The following SPATA6L variants were observed in gnomAD, a reference collection of about 807,000 sequenced individuals.
SPATA6L encodes spermatogenesis associated 6-like protein.
SPATA6L carries 68 observed loss-of-function variants against 49.2 expected under a neutral mutation model. That is an observed-to-expected ratio of 1.38 (90% CI 1.14 to 1.69). The LOEUF (loss-of-function observed/expected upper bound fraction) is 1.69, where lower values mean the gene tolerates loss of function less well. Ranked by LOEUF, SPATA6L falls within the 40% of genes most tolerant of loss-of-function variation. SPATA6L has a pLI of 0.00. For missense variants in SPATA6L, 668 were observed against 464.3 expected (o/e 1.44, Z -4.03); for synonymous variants, 198 against 165.7 (o/e 1.19, Z -1.50).
In SPATA6L at chr9:4,604,190, C is replaced by A. The variant is rs372258976; in HGVS notation, c.1169G>T (p.Arg390Ile). 1 of 1,608,488 alleles carries A rather than the reference C, an allele frequency of 6.2e-7. No individual in the cohort carries two copies. The highest frequency in any genetic ancestry group is 8.5e-7 in the Non-Finnish European group (1 of 1,176,484). ...PLKKYSLHEQRYF is the reference protein window; with the variant it reads ...PLKKYSLHEQIYF The stretch of plus-strand genomic sequence containing the variant: ...ACATAAGACAGTACCTTAAAAATAT[C>A]TCTGTTCATGCAGTGAGTATTTCTT... Residue 390 changes from arginine (R) to isoleucine (I), a missense_variant, in exon 11 of 12, where the codon AGA becomes ATA. Transcript: ENST00000682582.
rs1554615841 is a variant in SPATA6L, at chr9:4,661,765, C to CTTCAAGGCCGACTGCGGTTTTGCTTCA, written c.177+133_177+134insTGAAGCAAAACCGCAGTCGGCCTTGAA. 19 of 1,219,110 alleles carry CTTCAAGGCCGACTGCGGTTTTGCTTCA rather than the reference C, an allele frequency of 1.6e-5. No homozygotes were observed. In the African/African-American group the frequency reaches 2.5e-4, roughly 16 times the overall value. The allele number at this position is 1,219,110 out of a possible 1,614,324, so 75.5% of individuals were successfully genotyped here. On this transcript the variant is annotated intron_variant, in intron 2 of 11. Coordinates refer to ENST00000682582, the MANE Select transcript of SPATA6L (RefSeq NM_001353486.2). Reference sequence around the variant, plus strand: ...AGCAAGTGTTCCGACTGCGGTTTTGCATTGTGCTGAAGTGCTTTCGGATAA... The same window carrying CTTCAAGGCCGACTGCGGTTTTGCTTCA: ...AGCAAGTGTTCCGACTGCGGTTTTGCTTCAAGGCCGACTGCGGTTTTGCTTCAATTGTGCTGAAGTGCTTTCGGATAA...
chr9:4,618,035 T>A lies in SPATA6L; in HGVS notation c.883A>T (p.Lys295Ter). The stretch of plus-strand genomic sequence containing the variant: ...TCCCCTTGTTTACTGGATGAAGACT[T>A]TCCAAACTGACTTGAATCTAAACAT... ...SSCLDSSQFG[K>*]SSSSKQGDAD... The change falls in exon 9 of 12, where the codon AAG becomes TAG. Residue 295 changes from lysine to a stop codon, truncating the protein, a stop_gained. Transcript: ENST00000682582. LOFTEE classifies it high-confidence loss of function. The A allele has an allele frequency of 1.1e-5, 17 of 1,614,114 alleles. No homozygotes were observed. The highest frequency in any genetic ancestry group is 1.4e-5 in the Non-Finnish European group (17 of 1,180,002).
intron 3 of SPATA6L, among the ~76,000 whole-genome samples, chr9:4,637,851 C>T (rs1833114662): frequency 6.6e-6 from 1 of 152,178 alleles, no homozygotes; most frequent in Admixed American, 6.5e-5. Flanking sequence ...TAAGCATTAG[C>T]TACCCTCTTG....
chr9:4,602,617 C>T (rs1823627619), intron 11 of SPATA6L, among the ~76,000 whole-genome samples: 1 of 152,194 alleles, frequency 6.6e-6, no homozygotes, highest in African/African-American at 2.4e-5. Context: ...GACATGAGGA[C>T]TATACAGGAC....
At chr9:4,595,873 T>A (rs949315114), downstream of SPATA6L, among the ~76,000 whole-genome samples, 8 of 152,072 alleles carry the variant, frequency 5.3e-5, no homozygotes, top group African/African-American at 1.9e-4. Flanking sequence ...TAAACAGGAG[T>A]CAAAACTGGT....
chr9:4,618,017 G>A lies in SPATA6L; in HGVS notation c.901C>T (p.Gln301Ter). The A allele has an allele frequency of 6.2e-7, 1 of 1,614,066 alleles. No individual in the cohort carries two copies. The highest frequency in any genetic ancestry group is 1.1e-5 in the South Asian group (1 of 91,078). Residue 301 changes from glutamine (Q) to a stop codon, truncating the protein, a stop_gained, in exon 9 of 12, where the codon CAA (glutamine) becomes TAA (stop). Transcript: ENST00000682582. LOFTEE classifies it high-confidence loss of function. ...SQFGKSSSSK[Q>*]GDADFHGKAS... ...TTCCCGTGGAAATCAGCATCCCCTT[G>A]TTTACTGGATGAAGACTTTCCAAAC...
chr9:4,636,653 T>G (rs952525300), intron 3 of SPATA6L, among the ~76,000 whole-genome samples: 4 of 152,244 alleles, frequency 2.6e-5, no homozygotes, highest in Admixed American at 2.6e-4. Context: ...AGGGTTGCTT[T>G]GTTTTCAGTA....
At chr9:4,637,866 C>CT (rs1395763119) in intron 3 of SPATA6L, among the ~76,000 whole-genome samples, 1 of 152,198 alleles carries the variant, frequency 6.6e-6, no homozygotes, top group African/African-American at 2.4e-5. Flanking sequence ...CTCTTGGAGA[C>CT]TCAGTTTCCA....
intron 6 of SPATA6L, among the ~76,000 whole-genome samples, chr9:4,624,082 A>G (rs1829893004): frequency 1.3e-5 from 2 of 152,252 alleles, no homozygotes; most frequent in African/African-American, 4.8e-5. Context: ...TCTCTGCCTA[A>G]TACACAAGCA....
At chr9:4,631,991 C>A (rs528721638) in intron 4 of SPATA6L, among the ~76,000 whole-genome samples, 9 of 151,100 alleles carry the variant, frequency 6.0e-5, no homozygotes, top group African/African-American at 2.2e-4. Context: ...ATGAGCTCAA[C>A]ACAGTGCCTG....
At chr9:4,592,605 G>C (rs1027083004) in intron 13 of SPATA6L, among the ~76,000 whole-genome samples, 32 of 152,324 alleles carry the variant, frequency 2.1e-4, no homozygotes, top group Admixed American at 1.8e-3. Context: ...GAGAGTGCCA[G>C]GAGTGCTAGA....
intron 3 of SPATA6L, among the ~76,000 whole-genome samples, chr9:4,654,955 C>T (rs1002948542): frequency 2.0e-5 from 3 of 152,140 alleles, no homozygotes; most frequent in African/African-American, 7.2e-5. Context: ...CCGAGCACTT[C>T]CCTTCCCTGG....
downstream of SPATA6L, among the ~76,000 whole-genome samples, chr9:4,595,017 T>C (rs542419085): frequency 2.6e-5 from 4 of 152,152 alleles, no homozygotes; most frequent in Non-Finnish European, 4.4e-5. Flanking sequence ...AGGATTTCAT[T>C]TGAGCTCCTA....
chr9:4,641,616 C>A (rs1018364931), intron 3 of SPATA6L, among the ~76,000 whole-genome samples: 1 of 152,118 alleles, frequency 6.6e-6, no homozygotes, highest in Non-Finnish European at 1.5e-5. Flanking sequence ...ACTACATTTT[C>A]GAGTAATGGT....
chr9:4,654,608 T>C (rs1837677190), intron 3 of SPATA6L, among the ~76,000 whole-genome samples: 1 of 152,080 alleles, frequency 6.6e-6, no homozygotes, highest in East Asian at 1.9e-4. Flanking sequence ...AGAATGAGTG[T>C]GAGGTTTTAT....
chr9:4,646,622 T>A, intron 3 of SPATA6L: 2 of 536,380 alleles, frequency 3.7e-6, no homozygotes, highest in South Asian at 4.3e-5. Flanking sequence ...ACCCACTTAA[T>A]AGTAATAATA....
intron 9 of SPATA6L, among the ~76,000 whole-genome samples, chr9:4,609,707 C>T (rs1179933678): frequency 1.3e-5 from 2 of 151,228 alleles, no homozygotes; most frequent in African/African-American, 2.5e-5. Flanking sequence ...TGGGCAAAAA[C>T]TGGAAGCATT....
intron 3 of SPATA6L, chr9:4,646,511 C>T: frequency 6.6e-7 from 1 of 1,513,076 alleles, no homozygotes; most frequent in Non-Finnish European, 8.8e-7. Context: ...TGTATTAATT[C>T]AAACCTGGCT....
At chr9:4,618,543 G>T (rs1828544011) in intron 8 of SPATA6L, among the ~76,000 whole-genome samples, 1 of 152,112 alleles carries the variant, frequency 6.6e-6, no homozygotes, top group African/African-American at 2.4e-5. Context: ...CAAACTTCAA[G>T]AACAAGTGAT....
Sources: gnomAD v4.1 joint callset for allele counts (sites outside exome capture counted in the v4.1 genomes callset) on GRCh38, gnomAD v4.1.1 for gene constraint, MANE v1.5 for transcripts, NCBI Gene and HGNC (gene_info 2026-07-23, HGNC 2026-07-21) for gene names.